Variants in SHLD1 observed in about 807,000 individuals in gnomAD.
SHLD1 encodes the protein RINN1-REV7-interacting novel NHEJ regulator 3.
SHLD1 carries 3 observed loss-of-function variants against 5.5 expected under a neutral mutation model. The observed-to-expected ratio is 0.54, with a 90% CI of 0.25 to 1.40. The LOEUF is 1.40. SHLD1 is among the 40% of genes most tolerant of loss of function. The pLI is 0.15. For missense variants in SHLD1, 210 were observed against 244.4 expected, an observed-to-expected ratio of 0.86 and a Z score of 0.94; for synonymous variants, 92 against 94.3, an observed-to-expected ratio of 0.98 and a Z score of 0.14.
chr20:5,808,283 A>T (rs1310477278), intron 2 of SHLD1, among the ~76,000 whole-genome samples: 1 of 152,118 alleles, frequency 6.6e-6, no homozygotes, highest in African/African-American at 2.4e-5. Flanking sequence ...AAAGAAACGT[A>T]AAAGTCCTAG....
chr20:5,751,774 G>T (rs1983763294), intron 1 of SHLD1, among the ~76,000 whole-genome samples: 1 of 151,856 alleles, frequency 6.6e-6, no homozygotes, highest in African/African-American at 2.4e-5. Context: ...TTTAGTAAGT[G>T]ATCCCGAGGC....
intron 2 of SHLD1, among the ~76,000 whole-genome samples, chr20:5,830,732 A>T (rs568888565): frequency 6.6e-6 from 1 of 151,380 alleles, no homozygotes; most frequent in Admixed American, 6.6e-5. Context: ...GAATGGTGGT[A>T]AGTCTTAGAA....
Position 5,822,818 on chromosome 20 carries a change from T to TA in SHLD1, c.179-40195dup, listed in dbSNP as rs1328079251. Among the ~76,000 whole-genome samples, 1,153 of 147,640 alleles carry TA rather than the reference T, an allele frequency of 7.8e-3. 7 individuals are homozygous for TA. The highest frequency in any genetic ancestry group is 0.028 in the African/African-American group (1,113 of 40,442). On this transcript the variant is annotated intron_variant, in intron 2 of 2. Coordinates refer to ENST00000303142, the MANE Select transcript of SHLD1 (RefSeq NM_152504.4). ...CAAAGATGATGTAATATTTCCCATC[T>TA]AAAAAAAAAAATCCATGACCCCAGG... is the stretch of plus-strand genomic sequence containing the variant.
chr20:5,818,229 C>G (rs2087562895), intron 2 of SHLD1, among the ~76,000 whole-genome samples: 1 of 152,014 alleles, frequency 6.6e-6, no homozygotes, highest in African/African-American at 2.4e-5. Flanking sequence ...ACACCTGCCA[C>G]CACGCCTGGC....
intron 2 of SHLD1, among the ~76,000 whole-genome samples, chr20:5,858,215 G>A (rs1195165675): frequency 6.6e-6 from 1 of 152,164 alleles, no homozygotes; most frequent in Non-Finnish European, 1.5e-5. Context: ...AATCAAGCAG[G>A]GTGGGTGGGT....
At chr20:5,844,079 G>T (rs2087898019) in intron 2 of SHLD1, among the ~76,000 whole-genome samples, 1 of 152,170 alleles carries the variant, frequency 6.6e-6, no homozygotes, top group South Asian at 2.1e-4. Flanking sequence ...CAGGAGAGAA[G>T]GCTCAAAGCT....
intron 1 of SHLD1, among the ~76,000 whole-genome samples, chr20:5,758,353 G>A (rs1600087837): frequency 9.9e-6 from 1 of 100,942 alleles, no homozygotes; most frequent in South Asian, 4.4e-4. Context: ...AGGGGGAGGG[G>A]AAGGAGAGGG....
intron 2 of SHLD1, among the ~76,000 whole-genome samples, chr20:5,856,378 G>T (rs1340346832): frequency 6.6e-6 from 1 of 152,232 alleles, no homozygotes; most frequent in African/African-American, 2.4e-5. Flanking sequence ...CCATAGGGCT[G>T]GGCTGGAGGT....
chr20:5,831,620 G>A (rs560885571), intron 2 of SHLD1, among the ~76,000 whole-genome samples: 1 of 152,252 alleles, frequency 6.6e-6, no homozygotes, highest in Non-Finnish European at 1.5e-5. Flanking sequence ...GAAACAGGAA[G>A]ATGAACAGAA....
At chr20:5,752,703 G>A (rs1228901724) in intron 1 of SHLD1, among the ~76,000 whole-genome samples, 1 of 145,016 alleles carries the variant, frequency 6.9e-6, no homozygotes, top group Non-Finnish European at 1.5e-5. Flanking sequence ...TGCAACCTCT[G>A]CTTCCCAGGT....
chr20:5,752,528 C>A (rs1983814815), intron 1 of SHLD1, among the ~76,000 whole-genome samples: 1 of 151,804 alleles, frequency 6.6e-6, no homozygotes, highest in Admixed American at 6.6e-5. Flanking sequence ...AATGGAGATT[C>A]TCTACAGATG....
chr20:5,858,024 C>G (rs578154366), intron 2 of SHLD1, among the ~76,000 whole-genome samples: 2 of 150,628 alleles, frequency 1.3e-5, no homozygotes, highest in East Asian at 2.0e-4. Context: ...ACTTGAACCC[C>G]GGAGGCAGAG....
chr20:5,850,700 G>A (rs898423166), intron 2 of SHLD1, among the ~76,000 whole-genome samples: 10 of 151,784 alleles, frequency 6.6e-5, no homozygotes, highest in Admixed American at 3.9e-4. Flanking sequence ...TAGTAGAGAC[G>A]AGGGTTTCAC....
chr20:5,784,968 G>T (rs372213820), intron 2 of SHLD1, among the ~76,000 whole-genome samples: 1 of 152,166 alleles, frequency 6.6e-6, no homozygotes, highest in Non-Finnish European at 1.5e-5. Flanking sequence ...CTTATCTGCC[G>T]AGTCCAGGTG....
chr20:5,827,984 T>G (rs1476271823), intron 2 of SHLD1, among the ~76,000 whole-genome samples: 1 of 152,260 alleles, frequency 6.6e-6, no homozygotes, highest in East Asian at 1.9e-4. Flanking sequence ...CTCAAAAAAT[T>G]AGTTGCATTG....
chr20:5,788,966 C>T (rs760264371), intron 2 of SHLD1, among the ~76,000 whole-genome samples: 3 of 151,780 alleles, frequency 2.0e-5, no homozygotes, highest in Non-Finnish European at 2.9e-5. Context: ...AACCCTGTCT[C>T]TACTAAAAAT....
At chr20:5,760,009 CAT>C (rs748644888) in intron 1 of SHLD1, among the ~76,000 whole-genome samples, 44 of 146,672 alleles carry the variant, frequency 3.0e-4, no homozygotes, top group African/African-American at 1.1e-3. Context: ...CACACACACA[CAT>C]ATACATATAC....
chr20:5,825,775 T>G (rs2087658686), intron 2 of SHLD1, among the ~76,000 whole-genome samples: 1 of 152,232 alleles, frequency 6.6e-6, no homozygotes, highest in Non-Finnish European at 1.5e-5. Context: ...GCTGTGCTAT[T>G]GTTACATTTA....
intron 2 of SHLD1, among the ~76,000 whole-genome samples, chr20:5,784,642 G>A (rs1167016628): frequency 1.3e-5 from 2 of 151,922 alleles, no homozygotes; most frequent in East Asian, 3.9e-4. Context: ...AGTAGAGACG[G>A]GGTTTCACCG....
Sources: allele counts gnomAD v4.1 joint callset (sites outside exome capture counted in the v4.1 genomes callset), GRCh38; gene constraint gnomAD v4.1.1; transcripts MANE v1.5; gene names NCBI Gene and HGNC (gene_info 2026-07-23, HGNC 2026-07-21).